G6PD: variants seen among roughly 807,000 people sequenced by gnomAD.
The protein encoded by G6PD is glucose-6-phosphate dehydrogenase.
A neutral mutation model predicts 38.2 loss-of-function variants in G6PD; 2 were observed. The ratio of observed to expected loss-of-function variants is 0.05; its 90% CI spans 0.02 to 0.16. G6PD has a LOEUF of 0.16. Ranked by LOEUF, G6PD falls within the 10% of genes least tolerant of loss-of-function variation. The probability of loss-of-function intolerance (pLI) is 1.00; values close to 1 mark genes in which losing one functional copy is unlikely to be tolerated. For synonymous variants in G6PD, 188 were observed against 196.0 expected, an observed-to-expected ratio of 0.96 and a Z score of 0.34; for missense variants, 310 against 471.6, an observed-to-expected ratio of 0.66 and a Z score of 3.17.
In G6PD at chrX:154,532,097, A is replaced by G. The variant is rs1299474760; in HGVS notation, c.1458-7T>C. On this transcript the variant is annotated splice_region_variant and splice_polypyrimidine_tract_variant and intron_variant, in intron 12 of 12. Transcript: ENST00000393562. ...TGCCTCCGTGGGGCCTCGGCTGGAG[A>G]GTGACGGGTGGAGGAGAGGCATGAG... 3 of 1,204,587 alleles carry G rather than the reference A, an allele frequency of 2.5e-6. No individual in the cohort carries two copies. The highest frequency in any genetic ancestry group is 3.4e-6 in the Non-Finnish European group (3 of 892,903).
intron 8 of G6PD, 52 bp downstream of exon 8, chrX:154,533,524 C>T (rs2070367536): frequency 2.5e-6 from 3 of 1,196,537 alleles, no homozygotes; most frequent in East Asian, 3.0e-5. Context: ...TGCCTCGTCA[C>T]AGATGGGCCT....
Position 154,535,505 on chromosome X carries a change from G to T in G6PD, c.268-120C>A, listed in dbSNP as rs1603411802. The T allele has an allele frequency of 7.8e-6, 5 of 641,568 alleles. No individual in the cohort carries two copies. The East Asian group carries it at 1.4e-4, about 18-fold the overall frequency. 52.9% of individuals were successfully genotyped at this position (641,568 alleles called of 1,213,427 possible). A position where few individuals can be genotyped will look rare whatever the true frequency, so the allele number is the denominator to read the frequency against. ...TGGAGGTCCAGGGAGGGTGCCCTCAGAAGTCAGTGTCCCCGTCCCACACTG... is the reference window on the plus strand; with the variant it reads ...TGGAGGTCCAGGGAGGGTGCCCTCATAAGTCAGTGTCCCCGTCCCACACTG... On this transcript the variant is annotated intron_variant, in intron 4 of 12. Transcript: ENST00000393562.
At chrX:154,539,884 G>A (rs60738129) in intron 2 of G6PD, among the ~76,000 whole-genome samples, 4 of 109,706 alleles carry the variant, frequency 3.6e-5, no homozygotes, top group African/African-American at 1.0e-4. Context: ...CACCACGCCC[G>A]GCTAATTTTT....
At position 154,531,460 on chromosome X, in the gene G6PD, TATAGC is replaced by T. The variant is rs1339012015; in HGVS notation, c.*535_*539del. Reference sequence around the variant, plus strand: ...TCCCAGCTGCTGCGTCTGCTTTTCTTATAGCAGAGAGGCTGCCTACGGGTGGCACG... The same window carrying T: ...TCCCAGCTGCTGCGTCTGCTTTTCTTAGAGAGGCTGCCTACGGGTGGCACG... On this transcript the variant is annotated 3_prime_UTR_variant, in exon 13 of 13. Transcript: ENST00000393562. 2 of 126,289 alleles carry T rather than the reference TATAGC, an allele frequency of 1.6e-5. No individual in the cohort carries two copies. Among genetic ancestry groups the T allele is most frequent in the Non-Finnish European group, 3.3e-5 (2 of 61,398 alleles). 10.4% of individuals were successfully genotyped at this position (126,289 alleles called of 1,213,427 possible). A position where few individuals can be genotyped will look rare whatever the true frequency, so the allele number is the denominator to read the frequency against.
intron 7 of G6PD, 138 bp downstream of exon 7, chrX:154,533,897 C>G: frequency 8.3e-7 from 1 of 1,199,645 alleles, no homozygotes; most frequent in Non-Finnish European, 1.1e-6. Context: ...CTTTCCAGCC[C>G]GGTCTGATAG....
At position 154,534,478 on chromosome X, in the gene G6PD, G is replaced by A. The variant is rs782678149; in HGVS notation, c.504C>T (p.Ile168=). ...GGTCCCTCCCGAAGGGCTTCTCCAC[G>A]ATGATGCGGTTCCAGCCTCTGCTGG... The part of the protein sequence containing the change: ...CMSQIGWNRI[I]VEKPFGRDLQ... The change falls in exon 6 of 13, where the codon ATC becomes ATT. Residue 168 remains isoleucine, a synonymous_variant. Transcript: ENST00000393562. 25 of 1,211,750 alleles carry A rather than the reference G, an allele frequency of 2.1e-5. No individual in the cohort carries two copies. The highest frequency in any genetic ancestry group is 2.3e-4 in the Middle Eastern group (1 of 4,355).
chrX:154,532,108 G>A lies in G6PD; in HGVS notation c.1458-18C>T. 1.7e-6 allele frequency: 2 copies of A among 1,204,991 alleles called. No individual in the cohort carries two copies. Among genetic ancestry groups the A allele is most frequent in the Non-Finnish European group, 2.2e-6 (2 of 892,431 alleles). ...GGCCTCGGCTGGAGAGTGACGGGTG[G>A]AGGAGAGGCATGAGGTAGCTCCACC... On this transcript the variant is annotated intron_variant, in intron 12 of 12. Transcript: ENST00000393562.
intron 2 of G6PD, among the ~76,000 whole-genome samples, chrX:154,543,730 G>A (rs1428689919): frequency 9.1e-6 from 1 of 110,128 alleles, no homozygotes; most frequent in Non-Finnish European, 1.9e-5. Flanking sequence ...CACTCACTCC[G>A]TCACCCAGGA....
At chrX:154,533,952 C>T in intron 7 of G6PD, 83 bp downstream of exon 7, 1 of 1,206,062 alleles carries the variant, frequency 8.3e-7, no homozygotes, top group East Asian at 3.0e-5. Flanking sequence ...AGGAGCTCCC[C>T]CAAGATAGGG....
At chrX:154,540,208 T>A (rs1557231526) in intron 2 of G6PD, among the ~76,000 whole-genome samples, 1 of 108,800 alleles carries the variant, frequency 9.2e-6, no homozygotes, top group African/African-American at 3.3e-5. Flanking sequence ...CGGTGGCTCA[T>A]GCCTGTAATC....
At chrX:154,543,708 G>A (rs1328418660) in intron 2 of G6PD, among the ~76,000 whole-genome samples, 1 of 108,873 alleles carries the variant, frequency 9.2e-6, no homozygotes. Context: ...TTATTTTTTT[G>A]AGATGGAGTC....
At chrX:154,544,381 C>T (rs1450738789) in intron 2 of G6PD, among the ~76,000 whole-genome samples, 6 of 110,761 alleles carry the variant, frequency 5.4e-5, no homozygotes, top group Non-Finnish European at 9.4e-5. Context: ...AGGATGGTCT[C>T]GATCTCTTGA....
Position 154,533,678 on chromosome X carries a change from G to A in G6PD, c.771-9C>T, listed in dbSNP as rs1237524196. 7.4e-6 allele frequency: 9 copies of A among 1,211,802 alleles called. No individual in the cohort carries two copies. The highest frequency in any genetic ancestry group is 5.3e-5 in the South Asian group (3 of 56,959). ...GGTTCTGCATCACGTCCCTGGGGAC[G>A]GAAGAGGCCAGAGCTCGCCTTAGCT... On this transcript the variant is annotated splice_polypyrimidine_tract_variant and intron_variant, in intron 7 of 12. Transcript: ENST00000393562.
chrX:154,534,726 C>G (rs972372395), intron 5 of G6PD, among the ~76,000 whole-genome samples: 4 of 111,500 alleles, frequency 3.6e-5, no homozygotes, highest in Non-Finnish European at 7.6e-5. Context: ...GCCGGGGGCC[C>G]GTTCCCCTCC....
chrX:154,537,266 T>C (rs1274824620), intron 2 of G6PD, among the ~76,000 whole-genome samples: 2 of 104,780 alleles, frequency 1.9e-5, no homozygotes, highest in African/African-American at 7.0e-5. Flanking sequence ...GATTGCACCA[T>C]TGCACCCCAG....
intron 1 of G6PD, 73 bp from the exon 2 acceptor site, chrX:154,546,236 G>T: frequency 8.6e-7 from 1 of 1,162,488 alleles, no homozygotes. Context: ...TTTCTTGAGA[G>T]TTCCTCTGGG....
At chrX:154,535,073 C>T in intron 5 of G6PD, 95 bp downstream of exon 5, 1 of 904,204 alleles carries the variant, frequency 1.1e-6, no homozygotes, top group Non-Finnish European at 1.6e-6. Context: ...ATGGATGCTG[C>T]CCAGATCCCC....
In G6PD at chrX:154,533,603, G is replaced by T; in HGVS notation, c.837C>A (p.Thr279=). ...TCTCATCACGGACGTCATCTGAGTTGGTGGAGGCGGGCTTCTCCATGGCCA... is the reference window on the plus strand; with the variant it reads ...TCTCATCACGGACGTCATCTGAGTTTGTGGAGGCGGGCTTCTCCATGGCCA... ...CLVAMEKPAS[T]NSDDVRDEKV... The change falls in exon 8 of 13, where the codon ACC becomes ACA. Residue 279 remains threonine, a synonymous_variant. Coordinates refer to ENST00000393562, the MANE Select transcript of G6PD (RefSeq NM_001360016.2). 1 of 1,212,141 alleles carries T rather than the reference G, an allele frequency of 8.2e-7. No homozygotes were observed. The highest frequency in any genetic ancestry group is 1.1e-6 in the Non-Finnish European group (1 of 895,544).
At chrX:154,535,874 G>T in intron 4 of G6PD, 63 bp downstream of exon 4, 1 of 964,207 alleles carries the variant, frequency 1.0e-6, no homozygotes, top group Non-Finnish European at 1.5e-6. Context: ...CCCCGAAGCT[G>T]GCCATGCTGG....
Sources: allele counts gnomAD v4.1 joint callset (sites outside exome capture counted in the v4.1 genomes callset), GRCh38; gene constraint gnomAD v4.1.1; transcripts MANE v1.5; gene names NCBI Gene and HGNC (gene_info 2026-07-23, HGNC 2026-07-21).